HSPBP1: variants seen among roughly 807,000 people sequenced by gnomAD.
HSPBP1 encodes the protein HSPA (Hsp70) binding protein 1, also known as hsp70-binding protein 1.
A neutral mutation model predicts 41.7 loss-of-function variants in HSPBP1; 31 were observed. That is an observed-to-expected ratio of 0.74 (90% CI 0.56 to 1.00). The LOEUF (loss-of-function observed/expected upper bound fraction) is 1.00, where lower values mean the gene tolerates loss of function less well. Among genes scored for constraint, HSPBP1 ranks in the 50% least tolerant of loss-of-function variants. The pLI is 0.00. For synonymous variants in HSPBP1, 199 were observed against 214.4 expected, an observed-to-expected ratio of 0.93 and a Z score of 0.63; for missense variants, 439 against 487.9, an observed-to-expected ratio of 0.90 and a Z score of 0.94.
At chr19:55,265,753 C>T in intron 6 of HSPBP1, 133 bp downstream of exon 6, 2 of 632,284 alleles carry the variant, frequency 3.2e-6, no homozygotes, top group South Asian at 2.0e-5. Flanking sequence ...CTGCTCCTTT[C>T]TGGCCCCACA....
chr19:55,279,441 G>A lies in HSPBP1; in HGVS notation c.168C>T (p.Gly56=). ...CTGGAGGAGGGTCTGGCTCTTCAGA[G>A]CCCGCGGTGATGGCCATCTGCAGCA... ...QGLLQMAITA[G]SEEPDPPPEP... is the part of the protein sequence containing the mutation. The change falls in exon 2 of 8, where the codon GGC becomes GGT. Residue 56 remains glycine, a synonymous_variant. Coordinates refer to ENST00000433386, the MANE Select transcript of HSPBP1 (RefSeq NM_012267.5). The A allele has an allele frequency of 1.2e-6, 2 of 1,604,694 alleles. No individual in the cohort carries two copies. Among genetic ancestry groups the A allele is most frequent in the South Asian group, 2.2e-5 (2 of 90,030 alleles).
intron 7 of HSPBP1, 33 bp from the exon 8 acceptor site, chr19:55,262,715 T>C: frequency 6.3e-7 from 1 of 1,599,172 alleles, no homozygotes. Context: ...GCAAGGGGCC[T>C]GAGTGCAGAG....
intron 2 of HSPBP1, 127 bp from the exon 3 acceptor site, chr19:55,277,973 G>A (rs1356343928): frequency 1.2e-6 from 1 of 824,168 alleles, no homozygotes; most frequent in Non-Finnish European, 1.8e-6. Flanking sequence ...TCGGCTGGGA[G>A]CTGTGGCTCA....
chr19:55,274,708 C>A, intron 3 of HSPBP1, 86 bp from the exon 4 acceptor site: 1 of 1,113,950 alleles, frequency 9.0e-7, no homozygotes, highest in Non-Finnish European at 1.3e-6. Flanking sequence ...GTTCTGACCC[C>A]CAGTACCTTG....
chr19:55,277,045 C>T (rs748274447), intron 3 of HSPBP1, among the ~76,000 whole-genome samples: 7 of 152,170 alleles, frequency 4.6e-5, no homozygotes, highest in Non-Finnish European at 1.0e-4. Context: ...GCTACACCAC[C>T]CAACCCCTCC....
rs2087671753 is a variant in HSPBP1 at position 55,262,543 on chromosome 19, T to C, written c.*65A>G. ...TGCGATCCCTTGGGAGAGGGCCTTG[T>C]AGGTGGGGAGGGAGGCAAGAGGCCT... is the stretch of plus-strand genomic sequence containing the variant. On this transcript the variant is annotated 3_prime_UTR_variant, in exon 8 of 8. Coordinates refer to ENST00000433386, the MANE Select transcript of HSPBP1 (RefSeq NM_012267.5). 2 of 1,595,636 alleles carry C rather than the reference T, an allele frequency of 1.3e-6. No homozygotes were observed. Among genetic ancestry groups the C allele is most frequent in the South Asian group, 2.3e-5 (2 of 88,220 alleles).
chr19:55,274,948 C>T (rs2088031552), intron 3 of HSPBP1, among the ~76,000 whole-genome samples: 1 of 152,196 alleles, frequency 6.6e-6, no homozygotes, highest in African/African-American at 2.4e-5. Flanking sequence ...TGATCTCAAA[C>T]TTCTAGCCTC....
In HSPBP1 at chr19:55,279,561, G is replaced by C; in HGVS notation, c.48C>G (p.Pro16=). The part of the protein sequence containing the change: ...SRGSRLPLAL[P]PASQGCSSGG... ...CTGAAGAGCAACCCTGGGAGGCCGG[G>C]GGCAGCGCCAGGGGCAGGCGGCTCC... The change falls in exon 2 of 8, where the codon CCC becomes CCG. Residue 16 remains proline (P), a synonymous_variant. Coordinates refer to ENST00000433386, the MANE Select transcript of HSPBP1 (RefSeq NM_012267.5). The C allele has an allele frequency of 5.6e-6, 9 of 1,608,128 alleles. No individual in the cohort carries two copies. The highest frequency in any genetic ancestry group is 7.6e-6 in the Non-Finnish European group (9 of 1,177,722).
At chr19:55,280,199 A>T (rs2088195558), upstream of HSPBP1, 1 of 173,782 alleles carries the variant, frequency 5.8e-6, no homozygotes, top group African/African-American at 2.4e-5. Context: ...TGCTTGCCCG[A>T]CTCTTATCCC....
rs1449171188 is a variant in HSPBP1, at chr19:55,279,596, C to T, written c.13G>A (p.Gly5Ser). The change falls in exon 2 of 8, where the codon GGC becomes AGC. Residue 5 changes from glycine (G) to serine (S), a missense_variant. Gly to Ser is a moderately conservative substitution (Grantham distance 56). Transcript: ENST00000433386. Reference sequence around the variant, plus strand: ...AGGGGCAGGCGGCTCCCCCTTGAGCCTTCGTCTGACATGGGCCGTTTGTGA... The same window carrying T: ...AGGGGCAGGCGGCTCCCCCTTGAGCTTTCGTCTGACATGGGCCGTTTGTGA... MSDE[G>S]SRGSRLPLAL... The T allele has an allele frequency of 1.1e-5, 17 of 1,591,082 alleles. No homozygotes were observed. The highest frequency in any genetic ancestry group is 1.3e-5 in the African/African-American group (1 of 74,736).
intron 4 of HSPBP1, among the ~76,000 whole-genome samples, chr19:55,267,392 C>T (rs1398893766): frequency 6.6e-6 from 1 of 151,614 alleles, no homozygotes; most frequent in Non-Finnish European, 1.5e-5. Flanking sequence ...CTAAAGTGAT[C>T]CACCTGCCTG....
intron 4 of HSPBP1, among the ~76,000 whole-genome samples, chr19:55,267,653 G>C (rs2087823093): frequency 6.6e-6 from 1 of 151,760 alleles, no homozygotes; most frequent in African/African-American, 2.4e-5. Flanking sequence ...TAGAGACAGG[G>C]TTTTGCCATG....
At chr19:55,273,393 C>T (rs955114403) in intron 4 of HSPBP1, among the ~76,000 whole-genome samples, 46 of 152,132 alleles carry the variant, frequency 3.0e-4, no homozygotes, top group African/African-American at 9.9e-4. Context: ...CCAGTTGGGG[C>T]GCTAGTATAG....
chr19:55,279,995 T>G (rs899268935), intron 1 of HSPBP1, 40 bp downstream of exon 1: 1 of 310,612 alleles, frequency 3.2e-6, no homozygotes, highest in Non-Finnish European at 6.1e-6. Flanking sequence ...GTCTTCTCCC[T>G]CCTCTCCGAA....
At chr19:55,267,888 G>A (rs1489297628) in intron 4 of HSPBP1, among the ~76,000 whole-genome samples, 1 of 152,234 alleles carries the variant, frequency 6.6e-6, no homozygotes, top group Non-Finnish European at 1.5e-5. Flanking sequence ...AGAGGGCAAT[G>A]AGAACTCTGG....
At chr19:55,263,063 CA>C in intron 7 of HSPBP1, among the ~76,000 whole-genome samples, 2 of 151,780 alleles carry the variant, frequency 1.3e-5, no homozygotes, top group Middle Eastern at 3.4e-3. Context: ...ACTCCCATGG[CA>C]AAAAAAGAAA....
In HSPBP1 at chr19:55,262,433, C is replaced by T. The variant is rs1600125636; in HGVS notation, c.*175G>A. 6.3e-6 allele frequency: 9 copies of T among 1,420,750 alleles called. No homozygotes were observed. Among genetic ancestry groups the T allele is most frequent in the Non-Finnish European group, 7.3e-6 (8 of 1,089,128 alleles). The allele number at this position is 1,420,750 out of a possible 1,614,324, so 88.0% of individuals were successfully genotyped here. A position where few individuals can be genotyped will look rare whatever the true frequency, so the allele number is the denominator to read the frequency against. ...GAGTGAGAGCATGGGAGGTGGGGTC[C>T]AAGGAGCTGGTGCCTTTCTCAGCGC... On this transcript the variant is annotated 3_prime_UTR_variant, in exon 8 of 8. Coordinates refer to ENST00000433386, the MANE Select transcript of HSPBP1 (RefSeq NM_012267.5).
At chr19:55,267,443 G>A (rs62126352) in intron 4 of HSPBP1, among the ~76,000 whole-genome samples, 9,859 of 144,972 alleles carry the variant, frequency 0.068, 375 homozygotes, top group South Asian at 0.18. Flanking sequence ...GAGCCATTGC[G>A]CCCGGCTGTG....
At chr19:55,266,056 T>C in intron 5 of HSPBP1, 74 bp from the exon 6 acceptor site, 2 of 1,560,510 alleles carry the variant, frequency 1.3e-6, no homozygotes, top group Admixed American at 3.7e-5. Context: ...TGCCTGTTCC[T>C]CCCCTTCTCC....
Sources: gnomAD v4.1 joint callset for allele counts (sites outside exome capture counted in the v4.1 genomes callset) on GRCh38, gnomAD v4.1.1 for gene constraint, MANE v1.5 for transcripts, NCBI Gene and HGNC (gene_info 2026-07-23, HGNC 2026-07-21) for gene names.